Variants in AMZ1 observed in about 807,000 individuals in gnomAD.
AMZ1 encodes archaemetzincin-1.
AMZ1 carries 39 observed loss-of-function variants against 29.9 expected under a neutral mutation model. The observed-to-expected ratio is 1.30, with a 90% CI of 1.01 to 1.70. The LOEUF (loss-of-function observed/expected upper bound fraction) is 1.70. Ranked by LOEUF, AMZ1 falls within the 40% of genes most tolerant of loss-of-function variation. AMZ1 has a pLI of 0.00. For synonymous variants in AMZ1, 458 were observed against 304.0 expected, an observed-to-expected ratio of 1.51 and a Z score of -5.27; for missense variants, 1,041 against 680.6, an observed-to-expected ratio of 1.53 and a Z score of -5.89.
intron 4 of AMZ1, among the ~76,000 whole-genome samples, chr7:2,758,318 G>A (rs893288231): frequency 6.6e-6 from 1 of 152,108 alleles, no homozygotes; most frequent in Non-Finnish European, 1.5e-5. Flanking sequence ...TATCTCATTC[G>A]CCATCCAAGT....
At chr7:2,705,010 C>T (rs894547307) in intron 3 of AMZ1, among the ~76,000 whole-genome samples, 12 of 152,200 alleles carry the variant, frequency 7.9e-5, no homozygotes, top group Non-Finnish European at 4.4e-5. Context: ...ATCTGGAGTG[C>T]CCATGTGCCT....
rs964265748 is a variant in AMZ1, at chr7:2,719,051, T to A, written c.*6173T>A. ...CCCCCCATCTGAAGTGAGATCAAAC[T>A]TCTACCACATTCTACCTGTGCCCTT... is the stretch of plus-strand genomic sequence containing the variant. On this transcript the variant is annotated 3_prime_UTR_variant, in exon 7 of 7. Transcript: ENST00000683327. 6.6e-6 allele frequency among the ~76,000 whole-genome samples: 1 copy of A among 151,362 alleles called. No individual in the cohort carries two copies. The highest frequency in any genetic ancestry group is 1.5e-5 in the Non-Finnish European group (1 of 67,886).
chr7:2,702,565 T>C, intron 2 of AMZ1, 157 bp from the exon 3 acceptor site: 1 of 798,098 alleles, frequency 1.3e-6, no homozygotes, highest in African/African-American at 1.8e-5. Context: ...AGTCATGCTT[T>C]CCATCCCTTT....
intron 1 of AMZ1, among the ~76,000 whole-genome samples, chr7:2,689,117 C>G (rs914925147): frequency 6.6e-6 from 1 of 152,252 alleles, no homozygotes. Flanking sequence ...AACCATCCGT[C>G]CGTCTGGTTC....
In AMZ1 at chr7:2,737,971, C is replaced by G. The variant is rs369518193; in HGVS notation, n.551-26741C>G. 2.0e-3 allele frequency among the ~76,000 whole-genome samples: 298 copies of G among 152,272 alleles called. 3 individuals are homozygous for G. Among genetic ancestry groups the G allele is most frequent in the African/African-American group, 7.0e-3 (289 of 41,546 alleles). On this transcript the variant is annotated intron_variant and non_coding_transcript_variant, in intron 4 of 4. Coordinates refer to the AMZ1 transcript ENST00000489665. ...TTTGCTCAGTGAACGCCTGTGACAT[C>G]TCACAGGGCTGGCGTGAGATTAAAT...
At chr7:2,732,428 C>A (rs1789943622) in intron 4 of AMZ1, among the ~76,000 whole-genome samples, 2 of 152,134 alleles carry the variant, frequency 1.3e-5, no homozygotes, top group Non-Finnish European at 2.9e-5. Context: ...ATGCTATAGT[C>A]CCAGCTACTT....
At chr7:2,756,639 G>T (rs1056839547) in intron 4 of AMZ1, among the ~76,000 whole-genome samples, 3 of 147,582 alleles carry the variant, frequency 2.0e-5, no homozygotes, top group African/African-American at 7.4e-5. Flanking sequence ...AAACATAGGA[G>T]AGGATCTGTG....
chr7:2,731,122 G>C lies in AMZ1; in HGVS notation n.550+21306G>C, dbSNP rs1789866041. 1 of 1,152,370 alleles carries C rather than the reference G, an allele frequency of 8.7e-7. No homozygotes were observed. The highest frequency in any genetic ancestry group is 1.9e-5 in the Admixed American group (1 of 52,890). The allele number at this position is 1,152,370 out of a possible 1,614,324, so 71.4% of individuals were successfully genotyped here. A position where few individuals can be genotyped will look rare whatever the true frequency, so the allele number is the denominator to read the frequency against. On this transcript the variant is annotated intron_variant and non_coding_transcript_variant, in intron 4 of 4. Transcript: ENST00000489665. This position sits in a 1 kb window ranked among gnomAD's most constrained non-coding sequence, Gnocchi z 6.0. ...GACCACACAGACAACACACACCCAAGAGTCTGACCGACAGCCGTGGGGGCT... is the reference window on the plus strand; with the variant it reads ...GACCACACAGACAACACACACCCAACAGTCTGACCGACAGCCGTGGGGGCT...
At chr7:2,721,537 A>T (rs1254726181), downstream of AMZ1, among the ~76,000 whole-genome samples, 6 of 152,256 alleles carry the variant, frequency 3.9e-5, no homozygotes, top group African/African-American at 1.4e-4. Context: ...TAACACGGTG[A>T]AGCCCTGTCT....
intron 3 of AMZ1, among the ~76,000 whole-genome samples, chr7:2,708,127 C>G (rs552663440): frequency 1.3e-5 from 2 of 152,096 alleles, no homozygotes; most frequent in African/African-American, 2.4e-5. Flanking sequence ...CCGGCCTTAC[C>G]GAGGGTTCTT....
intron 3 of AMZ1, among the ~76,000 whole-genome samples, chr7:2,707,430 T>G (rs1788424785): frequency 2.0e-5 from 3 of 152,128 alleles, no homozygotes; most frequent in Admixed American, 1.3e-4. Context: ...TCTCCGGGTT[T>G]CCTGGGCCCG....
chr7:2,712,265 T>G (rs1788828906), intron 6 of AMZ1, 65 bp from the exon 7 acceptor site: 1 of 1,472,522 alleles, frequency 6.8e-7, no homozygotes, highest in Non-Finnish European at 9.0e-7. Context: ...GGAGGTCTCC[T>G]GGCAGTTCCC....
chr7:2,682,266 G>T (rs1156339842), intron 1 of AMZ1, among the ~76,000 whole-genome samples: 1 of 139,562 alleles, frequency 7.2e-6, no homozygotes, highest in African/African-American at 2.6e-5. Context: ...GCCTGAGAGG[G>T]TCCCCAGCTA....
rs756982785 is a variant in AMZ1, at chr7:2,731,643, C to T, written n.550+21827C>T. 17 of 1,613,714 alleles carry T rather than the reference C, an allele frequency of 1.1e-5. No homozygotes were observed. The South Asian group carries it at 1.5e-4, about 15-fold the overall frequency. On this transcript the variant is annotated intron_variant and non_coding_transcript_variant, in intron 4 of 4. Transcript: ENST00000489665. This position sits in a 1 kb window ranked among gnomAD's most constrained non-coding sequence, Gnocchi z 6.0. ...TCTGGCGCTGGGACCGCTGGCCGCC[C>T]ACATCCACCATCTTAAAGGGGATCT...
intron 4 of AMZ1, among the ~76,000 whole-genome samples, chr7:2,735,118 C>CT (rs1790100042): frequency 6.6e-6 from 1 of 152,036 alleles, no homozygotes; most frequent in South Asian, 2.1e-4. Flanking sequence ...CACTCACTCC[C>CT]TGATTTACGA....
chr7:2,726,790 G>C (rs1280577739), intron 4 of AMZ1, among the ~76,000 whole-genome samples: 1 of 152,220 alleles, frequency 6.6e-6, no homozygotes, highest in Non-Finnish European at 1.5e-5. Flanking sequence ...CTGAGCATGA[G>C]AGCTCTGGTC....
At chr7:2,698,544 CA>C in intron 1 of AMZ1, among the ~76,000 whole-genome samples, 1 of 151,342 alleles carries the variant, frequency 6.6e-6, no homozygotes, top group Non-Finnish European at 1.5e-5. Flanking sequence ...TCTAAAAAAA[CA>C]AAAAGAAGTT....
chr7:2,733,501 CCT>C (rs1303449099), intron 4 of AMZ1: 3 of 1,613,014 alleles, frequency 1.9e-6, no homozygotes, highest in Non-Finnish European at 2.5e-6. Context: ...ACCGACTCCC[CCT>C]GTCAGGAAGG....
Position 2,712,649 on chromosome 7 carries a change from C to G in AMZ1, c.1268C>G (p.Ala423Gly). ...MCIQALQREV[A>G]EEDLVQVDRA... ...ATCCAGGCCCTGCAGCGGGAAGTGG[C>G]AGAGGAGGACCTGGTGCAGGTGGAC... is the stretch of plus-strand genomic sequence containing the variant. The change falls in exon 7 of 7, where the codon GCA becomes GGA. Residue 423 changes from alanine to glycine, a missense_variant. Physicochemically the swap from Ala to Gly is moderately conservative, Grantham distance 60. Transcript: ENST00000683327. The G allele has an allele frequency of 6.2e-7, 1 of 1,613,018 alleles. No individual in the cohort carries two copies. Among genetic ancestry groups the G allele is most frequent in the South Asian group, 1.1e-5 (1 of 91,064 alleles).
Sources: allele counts gnomAD v4.1 joint callset (sites outside exome capture counted in the v4.1 genomes callset), GRCh38; gene constraint gnomAD v4.1.1; non-coding constraint Gnocchi (gnomAD v3.1); transcripts MANE v1.5; gene names NCBI Gene and HGNC (gene_info 2026-07-23, HGNC 2026-07-21).